NEBL: variants seen among roughly 807,000 people sequenced by gnomAD.
The protein encoded by NEBL is nebulette.
Under a neutral mutation model 140.2 loss-of-function variants are expected in NEBL, and 122 were observed. The observed-to-expected ratio is 0.87, with a 90% CI of 0.75 to 1.01. NEBL has a LOEUF of 1.01. Ranked by LOEUF, NEBL falls within the 50% of genes least tolerant of loss-of-function variation. The probability of loss-of-function intolerance (pLI) is 0.00; values close to 1 mark genes in which losing one functional copy is unlikely to be tolerated. For synonymous variants in NEBL, 436 were observed against 398.9 expected (o/e 1.09, Z -1.11); for missense variants, 1,365 against 1,231.3 (o/e 1.11, Z -1.62).
chr10:20,795,351 A>G (rs1382940157), intron 26 of NEBL, among the ~76,000 whole-genome samples: 2 of 152,194 alleles, frequency 1.3e-5, no homozygotes, highest in Non-Finnish European at 2.9e-5. Context: ...TATGTGTGGT[A>G]AACATCCAAC....
intron 2 of NEBL, among the ~76,000 whole-genome samples, chr10:21,087,239 G>T (rs149398468): frequency 7.2e-5 from 11 of 152,144 alleles, no homozygotes; most frequent in Middle Eastern, 3.4e-3. Flanking sequence ...ATAAATATTT[G>T]CTCACTAAAT....
chr10:21,018,345 C>A (rs376563604), intron 3 of NEBL, among the ~76,000 whole-genome samples: 16 of 152,170 alleles, frequency 1.1e-4, no homozygotes, highest in African/African-American at 3.6e-4. Context: ...ACCTGATGAA[C>A]CCTAACTTGA....
At chr10:21,250,035 G>T (rs1367610710) in intron 2 of NEBL, among the ~76,000 whole-genome samples, 2 of 152,102 alleles carry the variant, frequency 1.3e-5, no homozygotes, top group Non-Finnish European at 2.9e-5. Context: ...GTGCACTCCA[G>T]CCTGGTGACA....
intron 3 of NEBL, chr10:21,218,030 G>T (rs1271939681): frequency 6.6e-6 from 1 of 152,288 alleles, no homozygotes; most frequent in Non-Finnish European, 1.5e-5. Flanking sequence ...TGGTCGGTGA[G>T]CTAGTGTACG....
At chr10:20,861,903 C>T (rs903723262) in intron 7 of NEBL, among the ~76,000 whole-genome samples, 19 of 152,172 alleles carry the variant, frequency 1.2e-4, no homozygotes, top group African/African-American at 4.6e-4. Flanking sequence ...GTTAAAAATG[C>T]ACCATATACC....
At chr10:20,818,883 A>G in intron 20 of NEBL, 2 of 988,318 alleles carry the variant, frequency 2.0e-6, no homozygotes, top group Non-Finnish European at 2.4e-6. Flanking sequence ...CAGAGGGTGT[A>G]AAACTTTTCC....
At chr10:21,190,152 A>G (rs1841548681) in intron 3 of NEBL, among the ~76,000 whole-genome samples, 2 of 152,172 alleles carry the variant, frequency 1.3e-5, no homozygotes, top group Non-Finnish European at 2.9e-5. Flanking sequence ...GGCACTCAAT[A>G]TGTGGTTATT....
intron 26 of NEBL, among the ~76,000 whole-genome samples, chr10:20,798,634 T>A (rs1350768490): frequency 2.6e-5 from 4 of 152,218 alleles, no homozygotes; most frequent in Non-Finnish European, 5.9e-5. Context: ...ATGAAGCTCT[T>A]CCCGAAAAGC....
intron 2 of NEBL, chr10:21,172,252 G>A (rs1841107846): frequency 1.4e-6 from 1 of 734,136 alleles, no homozygotes; most frequent in African/African-American, 1.7e-5. Flanking sequence ...CAGAGTCTGT[G>A]ATATAAACAG....
intron 1 of NEBL, among the ~76,000 whole-genome samples, chr10:21,269,541 C>T (rs989086830): frequency 6.6e-6 from 1 of 152,156 alleles, no homozygotes; most frequent in African/African-American, 2.4e-5. Flanking sequence ...AATGAACGTT[C>T]GTGGTTAGAA....
At chr10:20,825,752 C>A (rs889435917) in intron 18 of NEBL, among the ~76,000 whole-genome samples, 2 of 151,858 alleles carry the variant, frequency 1.3e-5, no homozygotes, top group African/African-American at 2.4e-5. Flanking sequence ...AAATGTCAAA[C>A]ACTCAATGGA....
intron 2 of NEBL, among the ~76,000 whole-genome samples, chr10:21,094,923 G>A (rs760227147): frequency 2.6e-5 from 4 of 152,140 alleles, no homozygotes; most frequent in Non-Finnish European, 5.9e-5. Flanking sequence ...AAATCCTTGG[G>A]CCAACAGACA....
chr10:20,862,496 C>G lies in NEBL; in HGVS notation c.685-2670G>C, dbSNP rs12265374. On this transcript the variant is annotated intron_variant, in intron 7 of 27. Coordinates refer to ENST00000377122, the MANE Select transcript of NEBL (RefSeq NM_006393.3). ...AATGGTTGCAGTGAGTCACATCACT[C>G]ACCTTCGGACTTGTTCACTCGCCAA... Among the ~76,000 whole-genome samples the G allele has an allele frequency of 6.7e-3, 1,028 of 152,304 alleles. 10 individuals carry two copies. The highest frequency in any genetic ancestry group is 0.023 in the African/African-American group (949 of 41,558).
At chr10:21,185,823 C>A (rs1180090175) in intron 3 of NEBL, among the ~76,000 whole-genome samples, 2 of 152,088 alleles carry the variant, frequency 1.3e-5, no homozygotes, top group Non-Finnish European at 2.9e-5. Context: ...TTCCTCAGAC[C>A]CTGTGGCTCA....
chr10:20,990,973 G>T lies in NEBL; in HGVS notation c.249+29144C>A, dbSNP rs183296503. Among the ~76,000 whole-genome samples, 224 of 152,140 alleles carry T rather than the reference G, an allele frequency of 1.5e-3. 2 individuals are homozygous for T. The highest frequency in any genetic ancestry group is 6.8e-3 in the Middle Eastern group (2 of 294). On this transcript the variant is annotated intron_variant, in intron 3 of 6. Coordinates refer to the NEBL transcript ENST00000417816. ...TCCACAAACCTGGGCACTCTATTTT[G>T]CACGCTGTCCATCAATCAAGCTCTG...
At chr10:20,868,632 A>T in intron 7 of NEBL, 32 bp downstream of exon 7, 1 of 1,384,274 alleles carries the variant, frequency 7.2e-7, no homozygotes. Flanking sequence ...TATCTGAATA[A>T]AGTCATTGTG....
In NEBL at chr10:20,823,222, T is replaced by C. The variant is rs746940206; in HGVS notation, c.1948A>G (p.Lys650Glu). The change falls in exon 19 of 28, where the codon AAG becomes GAG. Residue 650 changes from lysine to glutamate, a missense_variant. Physicochemically the swap from Lys to Glu is moderately conservative, Grantham distance 56. Transcript: ENST00000377122. Reference sequence around the variant, plus strand: ...AATATGATCACATTGCTGATGTTCTTCTGGTTTTCTTTAACTCTCTTTAGT... The same window carrying C: ...AATATGATCACATTGCTGATGTTCTCCTGGTTTTCTTTAACTCTCTTTAGT... ...PELKRVKENQ[K>E]NISNLQYKEQ... 1 of 1,605,498 alleles carries C rather than the reference T, an allele frequency of 6.2e-7. No homozygotes were observed. Among genetic ancestry groups the C allele is most frequent in the African/African-American group, 1.3e-5 (1 of 74,854 alleles).
chr10:21,026,485 G>A (rs1833504384), intron 2 of NEBL, among the ~76,000 whole-genome samples: 1 of 152,106 alleles, frequency 6.6e-6, no homozygotes, highest in Admixed American at 6.5e-5. Flanking sequence ...TTTCATTCCT[G>A]TCTCCTGGTG....
At chr10:20,901,698 T>C (rs1308483429), upstream of NEBL, among the ~76,000 whole-genome samples, 2 of 152,216 alleles carry the variant, frequency 1.3e-5, no homozygotes, top group Admixed American at 6.5e-5. Flanking sequence ...GTTTGCCTGA[T>C]TTGTTTCCCT....
Sources: gnomAD v4.1 joint callset for allele counts (sites outside exome capture counted in the v4.1 genomes callset) on GRCh38, gnomAD v4.1.1 for gene constraint, MANE v1.5 for transcripts, NCBI Gene and HGNC (gene_info 2026-07-23, HGNC 2026-07-21) for gene names.